Variants in TRAPPC9 observed in about 807,000 individuals in gnomAD.
TRAPPC9 encodes trafficking protein particle complex subunit 9, also known as IKK2 binding protein.
Under a neutral mutation model 124.0 loss-of-function variants are expected in TRAPPC9, and 83 were observed. The ratio of observed to expected loss-of-function variants is 0.67; its 90% CI spans 0.56 to 0.80. TRAPPC9 has a LOEUF of 0.80. Among genes scored for constraint, TRAPPC9 ranks in the 30% least tolerant of loss-of-function variants. The pLI, the probability that TRAPPC9 is intolerant of heterozygous loss-of-function variation, is 0.00. For synonymous variants in TRAPPC9, 638 were observed against 617.5 expected (o/e 1.03, Z -0.49); for missense variants, 1,302 against 1,508.3 (o/e 0.86, Z 2.27).
In TRAPPC9 at chr8:140,183,891, G is replaced by A. The variant is rs868474474; in HGVS notation, c.2556+37568C>T. On this transcript the variant is annotated intron_variant, in intron 17 of 22. Transcript: ENST00000438773. Reference sequence around the variant, plus strand: ...AAGAAGAAGAAGAAGAAGAAGAAGAGGAGAGGAGAGGAGAGGAGAGGAGAG... The same window carrying A: ...AAGAAGAAGAAGAAGAAGAAGAAGAAGAGAGGAGAGGAGAGGAGAGGAGAG... Among the ~76,000 whole-genome samples, 98 of 16,022 alleles carry A rather than the reference G, an allele frequency of 6.1e-3. 2 individuals carry two copies. The highest frequency in any genetic ancestry group is 0.029 in the African/African-American group (96 of 3,322). The allele number at this position is 16,022 out of a possible 152,430, so 10.5% of individuals were successfully genotyped here. A position where few individuals can be genotyped will look rare whatever the true frequency, so the allele number is the denominator to read the frequency against.
chr8:140,045,032 T>C (rs970182497), intron 17 of TRAPPC9, among the ~76,000 whole-genome samples: 4 of 152,120 alleles, frequency 2.6e-5, no homozygotes, highest in African/African-American at 9.7e-5. Flanking sequence ...AATGAAGGCA[T>C]AGAACTTTAC....
chr8:140,260,975 T>C (rs2064391801), intron 15 of TRAPPC9, among the ~76,000 whole-genome samples: 1 of 152,202 alleles, frequency 6.6e-6, no homozygotes, highest in African/African-American at 2.4e-5. Flanking sequence ...ACATGAGCTC[T>C]AGGGTCAGAC....
chr8:140,071,706 A>C (rs553558180), intron 17 of TRAPPC9, among the ~76,000 whole-genome samples: 1 of 152,170 alleles, frequency 6.6e-6, no homozygotes, highest in Non-Finnish European at 1.5e-5. Context: ...CAGGGGTTCT[A>C]TAAGCAGTGG....
intron 21 of TRAPPC9, among the ~76,000 whole-genome samples, chr8:139,802,106 C>A (rs150805763): frequency 0.011 from 1,711 of 152,332 alleles, 38 homozygotes; most frequent in African/African-American, 0.038. Flanking sequence ...CCTCTCCACT[C>A]CCTGTTGTCC....
intron 21 of TRAPPC9, among the ~76,000 whole-genome samples, chr8:139,811,667 A>G (rs1824452786): frequency 1.3e-5 from 2 of 152,222 alleles, no homozygotes. Flanking sequence ...AAAGCTATAT[A>G]TTTTTGGAAG....
intron 20 of TRAPPC9, among the ~76,000 whole-genome samples, chr8:139,890,633 C>T (rs762216050): frequency 7.9e-5 from 12 of 152,132 alleles, no homozygotes; most frequent in Non-Finnish European, 1.2e-4. Flanking sequence ...TACGGGAAGG[C>T]GAAGGCTTGT....
chr8:140,418,723 A>AAGATAGAT (rs530951569), intron 5 of TRAPPC9, among the ~76,000 whole-genome samples: 3,380 of 141,258 alleles, frequency 0.024, 52 homozygotes, highest in African/African-American at 0.039. Flanking sequence ...CCATCTCAAA[A>AAGATAGAT]AGATAGATAG....
At chr8:140,290,499 CCCT>C (rs2065620644) in intron 12 of TRAPPC9, among the ~76,000 whole-genome samples, 1 of 152,176 alleles carries the variant, frequency 6.6e-6, no homozygotes, top group South Asian at 2.1e-4. Context: ...ATTTTTCACA[CCCT>C]ACACAAAGCA....
intron 7 of TRAPPC9, among the ~76,000 whole-genome samples, chr8:140,392,042 A>C (rs192949869): frequency 4.0e-5 from 6 of 151,796 alleles, no homozygotes; most frequent in African/African-American, 1.2e-4. Flanking sequence ...AAAAAAAAGA[A>C]TTAAGAAAGT....
chr8:140,297,611 G>C (rs1467967369), intron 11 of TRAPPC9, among the ~76,000 whole-genome samples: 1 of 152,200 alleles, frequency 6.6e-6, no homozygotes, highest in Non-Finnish European at 1.5e-5. Flanking sequence ...GCCACTCCTT[G>C]CAAAGCCCAC....
Position 139,942,132 on chromosome 8 carries a change from G to A in TRAPPC9, c.2811-31832C>T, listed in dbSNP as rs541767088. Among the ~76,000 whole-genome samples the A allele has an allele frequency of 7.2e-5, 11 of 152,330 alleles. No individual in the cohort carries two copies. In the South Asian group the frequency reaches 2.3e-3, roughly 32 times the overall value. ...AACACTGAACTGGGCTGACGGATAT[G>A]AGAACACTTTGTGGACGGTGACTCG... On this transcript the variant is annotated intron_variant, in intron 19 of 22. Coordinates refer to ENST00000438773, the MANE Select transcript of TRAPPC9 (RefSeq NM_001160372.4).
chr8:139,968,009 C>T (rs1023508609), intron 19 of TRAPPC9, among the ~76,000 whole-genome samples: 1 of 151,634 alleles, frequency 6.6e-6, no homozygotes. Context: ...GGCATGGTGG[C>T]GTGCACCTGT....
chr8:140,246,759 C>T (rs181948724), intron 16 of TRAPPC9, among the ~76,000 whole-genome samples: 2 of 152,124 alleles, frequency 1.3e-5, no homozygotes, highest in African/African-American at 2.4e-5. Flanking sequence ...CCGAGGCGGG[C>T]GGATCACCTG....
intron 17 of TRAPPC9, among the ~76,000 whole-genome samples, chr8:140,116,376 C>T (rs928884992): frequency 3.9e-5 from 6 of 152,012 alleles, no homozygotes; most frequent in African/African-American, 1.4e-4. Flanking sequence ...ATTATCACTC[C>T]CCTAGAGGCA....
chr8:140,294,333 G>A (rs1468477906), intron 11 of TRAPPC9, among the ~76,000 whole-genome samples: 4 of 151,972 alleles, frequency 2.6e-5, no homozygotes, highest in Non-Finnish European at 4.4e-5. Flanking sequence ...GCCTGACCCC[G>A]CCTCACCCAG....
At chr8:140,160,560 C>G (rs974306706) in intron 17 of TRAPPC9, among the ~76,000 whole-genome samples, 31 of 151,932 alleles carry the variant, frequency 2.0e-4, no homozygotes, top group African/African-American at 7.2e-4. Context: ...AAACCAAACA[C>G]CGCATGTTCT....
At chr8:140,049,046 A>T (rs918463178) in intron 17 of TRAPPC9, among the ~76,000 whole-genome samples, 1 of 152,236 alleles carries the variant, frequency 6.6e-6, no homozygotes, top group African/African-American at 2.4e-5. Context: ...CCCAAGGCAC[A>T]CAGCACACCA....
intron 17 of TRAPPC9, among the ~76,000 whole-genome samples, chr8:140,186,996 C>G (rs953319929): frequency 1.3e-5 from 2 of 152,120 alleles, no homozygotes; most frequent in Non-Finnish European, 2.9e-5. Context: ...CACACCCACT[C>G]GATACTCGTC....
chr8:139,947,158 G>C (rs1197926513), intron 19 of TRAPPC9, among the ~76,000 whole-genome samples: 1 of 152,158 alleles, frequency 6.6e-6, no homozygotes, highest in African/African-American at 2.4e-5. Context: ...AGACAGGGTG[G>C]TATCATTAAA....
Sources: allele counts gnomAD v4.1 joint callset (sites outside exome capture counted in the v4.1 genomes callset), GRCh38; gene constraint gnomAD v4.1.1; transcripts MANE v1.5; gene names NCBI Gene and HGNC (gene_info 2026-07-23, HGNC 2026-07-21).